STMND1: variants seen among roughly 807,000 people sequenced by gnomAD.
STMND1 encodes stathmin domain-containing protein 1.
A neutral mutation model predicts 23.0 loss-of-function variants in STMND1; 17 were observed. The observed-to-expected ratio is 0.74, with a 90% CI of 0.51 to 1.11. STMND1 has a LOEUF of 1.11. Among genes scored for constraint, STMND1 ranks in the 50% least tolerant of loss-of-function variants. The pLI is 0.00. For missense variants in STMND1, 305 were observed against 329.1 expected (o/e 0.93, Z 0.57); for synonymous variants, 114 against 119.9 (o/e 0.95, Z 0.32).
Position 17,115,168 on chromosome 6 carries a change from G to A in STMND1, c.259+29G>A, listed in dbSNP as rs548306612. 73 of 1,515,218 alleles carry A rather than the reference G, an allele frequency of 4.8e-5. No individual in the cohort carries two copies. In the South Asian group the frequency reaches 8.8e-4, roughly 18 times the overall value. The allele number at this position is 1,515,218 out of a possible 1,614,324, so 93.9% of individuals were successfully genotyped here. On this transcript the variant is annotated intron_variant, in intron 2 of 4. Transcript: ENST00000536551. ...ACCTCCCTCTGCCCCCATTCACGTA[G>A]ATCTTCACAAAATACTGTTTCTCTA... is the stretch of plus-strand genomic sequence containing the variant.
At chr6:17,114,868 A>G (rs996739646) in intron 1 of STMND1, 94 bp from the exon 2 acceptor site, 1 of 1,324,562 alleles carries the variant, frequency 7.5e-7, no homozygotes, top group Non-Finnish European at 1.0e-6. Context: ...CACCACAGAT[A>G]CTAGCTGGCT....
Position 17,129,096 on chromosome 6 carries a change from A to C in STMND1, c.412-16A>C. On this transcript the variant is annotated splice_polypyrimidine_tract_variant and intron_variant, in intron 3 of 4. Coordinates refer to ENST00000536551, the MANE Select transcript of STMND1 (RefSeq NM_001190766.2). ...AATATGATTGTTTCTTCATGTAAAA[A>C]GATGTTTTATTCCAGTTGACTACGA... The C allele has an allele frequency of 6.5e-7, 1 of 1,534,060 alleles. No homozygotes were observed. The highest frequency in any genetic ancestry group is 8.7e-7 in the Non-Finnish European group (1 of 1,145,890).
chr6:17,112,146 C>A (rs1029942918), intron 1 of STMND1, among the ~76,000 whole-genome samples: 2 of 152,174 alleles, frequency 1.3e-5, no homozygotes, highest in Non-Finnish European at 2.9e-5. Flanking sequence ...GATAGTCAAT[C>A]CTCGTTCCCC....
chr6:17,109,289 C>A (rs1313896553), intron 1 of STMND1, among the ~76,000 whole-genome samples: 1 of 152,146 alleles, frequency 6.6e-6, no homozygotes, highest in Non-Finnish European at 1.5e-5. Context: ...ACCCTCAACA[C>A]AATGAACTGA....
chr6:17,126,059 TA>T (rs1761295262), intron 3 of STMND1, among the ~76,000 whole-genome samples: 10 of 27,152 alleles, frequency 3.7e-4, no homozygotes, highest in East Asian at 1.4e-3. Flanking sequence ...TATATATATA[TA>T]TATATATATA....
intron 2 of STMND1, 36 bp downstream of exon 2, chr6:17,115,175 A>G (rs1161189371): frequency 3.3e-6 from 5 of 1,504,984 alleles, no homozygotes; most frequent in Non-Finnish European, 2.7e-6. Flanking sequence ...GTAGATCTTC[A>G]CAAAATACTG....
intron 3 of STMND1, among the ~76,000 whole-genome samples, chr6:17,122,103 C>T (rs1344632294): frequency 6.6e-6 from 1 of 152,092 alleles, no homozygotes; most frequent in Non-Finnish European, 1.5e-5. Flanking sequence ...CCTCGTAATC[C>T]ACCTGCCTCA....
chr6:17,119,270 T>C (rs951093270), intron 2 of STMND1, among the ~76,000 whole-genome samples: 2 of 152,162 alleles, frequency 1.3e-5, no homozygotes, highest in Non-Finnish European at 2.9e-5. Context: ...CAGTGGCCAA[T>C]CCTATAAATC....
chr6:17,130,531 C>T, intron 4 of STMND1, 63 bp from the exon 5 acceptor site: 3 of 1,273,926 alleles, frequency 2.4e-6, no homozygotes, highest in Non-Finnish European at 3.2e-6. Flanking sequence ...ATACAAGCAA[C>T]ATTAATCACA....
In STMND1 at chr6:17,124,169, A is replaced by C. The variant is rs142726435; in HGVS notation, c.411+3411A>C. On this transcript the variant is annotated intron_variant, in intron 3 of 4. Coordinates refer to ENST00000536551, the MANE Select transcript of STMND1 (RefSeq NM_001190766.2). ...ATGTCAGCAGTTACTACAATGTGGT[A>C]AATCTTAACAGACATGTAAATATTA... Among the ~76,000 whole-genome samples the C allele has an allele frequency of 5.3e-4, 81 of 152,346 alleles. 1 individual carries two copies. Among genetic ancestry groups the C allele is most frequent in the African/African-American group, 1.9e-3 (80 of 41,584 alleles).
chr6:17,120,899 T>C (rs1331246277), intron 3 of STMND1, 141 bp downstream of exon 3: 3 of 727,492 alleles, frequency 4.1e-6, no homozygotes, highest in African/African-American at 1.8e-5. Context: ...CTCCCTTAAA[T>C]TCCCCCCACA....
chr6:17,121,162 G>T (rs1581372325), intron 3 of STMND1, among the ~76,000 whole-genome samples: 1 of 152,146 alleles, frequency 6.6e-6, no homozygotes, highest in Admixed American at 6.5e-5. Context: ...CACCATGATT[G>T]TAAGTTTCCT....
chr6:17,125,308 G>A (rs546461562), intron 3 of STMND1, among the ~76,000 whole-genome samples: 16 of 152,220 alleles, frequency 1.1e-4, no homozygotes, highest in African/African-American at 2.6e-4. Context: ...TTGGTTTTAC[G>A]TACACATGTC....
intron 1 of STMND1, among the ~76,000 whole-genome samples, chr6:17,104,864 C>T (rs1561920952): frequency 1.3e-5 from 2 of 152,160 alleles, no homozygotes; most frequent in Middle Eastern, 3.4e-3. Context: ...TCCCTGTGCC[C>T]CAGTTTTCTT....
intron 3 of STMND1, chr6:17,128,648 C>T (rs188353359): frequency 3.9e-5 from 6 of 152,602 alleles, no homozygotes; most frequent in African/African-American, 1.4e-4. Flanking sequence ...TTGTTATCAA[C>T]TTTCACGTTG....
intron 3 of STMND1, among the ~76,000 whole-genome samples, chr6:17,123,001 A>G (rs1398559250): frequency 6.6e-6 from 1 of 152,178 alleles, no homozygotes; most frequent in African/African-American, 2.4e-5. Context: ...AGGCAGATAG[A>G]TTGTGGAAAC....
intron 2 of STMND1, among the ~76,000 whole-genome samples, chr6:17,119,119 T>C (rs11965913): frequency 0.044 from 6,721 of 152,228 alleles, 499 homozygotes; most frequent in African/African-American, 0.15. Context: ...CCTCCCCGTA[T>C]GACATGTTTT....
chr6:17,106,441 C>T lies in STMND1; in HGVS notation c.81+4103C>T, dbSNP rs1761026344. On this transcript the variant is annotated intron_variant, in intron 1 of 4. Transcript: ENST00000536551. ...AATCTTTCTTGAGCAAATGCATGTC[C>T]CTCCTGGTTCCAAGATTCCTTAATG... Among the ~76,000 whole-genome samples the T allele has an allele frequency of 2.6e-5, 4 of 152,222 alleles. No homozygotes were observed. The South Asian group carries it at 8.3e-4, about 32-fold the overall frequency.
At chr6:17,129,078 T>G in intron 3 of STMND1, 34 bp from the exon 4 acceptor site, 1 of 1,530,814 alleles carries the variant, frequency 6.5e-7, no homozygotes, top group South Asian at 1.2e-5. Context: ...GTGAATATGA[T>G]TGTTTCTTCA....
Sources: gnomAD v4.1 joint callset for allele counts (sites outside exome capture counted in the v4.1 genomes callset) on GRCh38, gnomAD v4.1.1 for gene constraint, MANE v1.5 for transcripts, NCBI Gene and HGNC (gene_info 2026-07-23, HGNC 2026-07-21) for gene names.